The following STARD9 variants were observed in gnomAD, a reference collection of about 807,000 sequenced individuals.
STARD9 encodes StAR related lipid transfer domain containing 9.
In STARD9, 346 loss-of-function variants were observed where a neutral mutation model predicts 399.8. The observed-to-expected ratio is 0.87, with a 90% confidence interval of 0.79 to 0.95. The LOEUF (loss-of-function observed/expected upper bound fraction) is 0.95. Ranked by LOEUF, STARD9 falls within the 40% of genes least tolerant of loss-of-function variation. STARD9 has a pLI of 0.00. For synonymous variants in STARD9, 2,203 were observed against 2,143.5 expected (o/e 1.03, Z -0.77); for missense variants, 5,832 against 5,667.5 (o/e 1.03, Z -0.93).
At chr15:42,681,982 A>G in intron 21 of STARD9, 122 bp from the exon 22 acceptor site, 1 of 687,678 alleles carries the variant, frequency 1.5e-6, no homozygotes, top group Non-Finnish European at 2.4e-6. Flanking sequence ...ACCCTGCCAC[A>G]TCACCTTGGC....
At chr15:42,708,152 C>G (rs902072190) in intron 26 of STARD9, among the ~76,000 whole-genome samples, 2 of 144,766 alleles carry the variant, frequency 1.4e-5, no homozygotes, top group South Asian at 2.2e-4. Context: ...GACCCTGTTT[C>G]AAAAAAAAAA....
In STARD9 at chr15:42,689,749, G is replaced by A. The variant is rs563500037; in HGVS notation, c.8171G>A (p.Arg2724His). ...SADPLAPDSP[R>H]SSAPVEEVRR... The stretch of plus-strand genomic sequence containing the variant: ...GATCCTTTGGCCCCAGACAGTCCTC[G>A]TTCTTCAGCACCTGTGGAGGAGGTC... The change falls in exon 23 of 33, where the codon CGT becomes CAT. Residue 2724 changes from arginine to histidine, a missense_variant. Physicochemically the swap from Arg to His is conservative, Grantham distance 29. Around this residue, in one of 2 missense-constraint regions of STARD9, gnomAD observed 5,828 missense variants for 5,651.1 expected, o/e 1.03. Coordinates refer to ENST00000290607, the MANE Select transcript of STARD9 (RefSeq NM_020759.3). 3.5e-5 allele frequency: 54 copies of A among 1,537,644 alleles called. No homozygotes were observed. Among genetic ancestry groups the A allele is most frequent in the South Asian group, 2.1e-4 (18 of 84,066 alleles).
intron 9 of STARD9, among the ~76,000 whole-genome samples, chr15:42,652,892 G>A (rs1244625970): frequency 1.3e-5 from 2 of 152,156 alleles, no homozygotes; most frequent in African/African-American, 2.4e-5. Context: ...TGGCCAGACT[G>A]GTCTCAAACT....
chr15:42,717,820 A>G, intron 29 of STARD9, 25 bp downstream of exon 29: 2 of 1,535,126 alleles, frequency 1.3e-6, no homozygotes, highest in South Asian at 2.4e-5. Context: ...GGTCCTTTGT[A>G]CAGTGTCTGT....
chr15:42,599,173 C>T (rs150208446), intron 3 of STARD9, among the ~76,000 whole-genome samples: 149 of 152,334 alleles, frequency 9.8e-4, no homozygotes, highest in African/African-American at 3.4e-3. Flanking sequence ...CTCCACCTGC[C>T]TTGGCTTCCC....
chr15:42,665,338 G>T lies in STARD9; in HGVS notation c.1254+8G>T. On this transcript the variant is annotated splice_region_variant and intron_variant, in intron 14 of 32. Coordinates refer to ENST00000290607, the MANE Select transcript of STARD9 (RefSeq NM_020759.3). ...CTGCTGAGCTTTGAACTGGTATGCA[G>T]ACAGTCAGAACCTTTCCGTACTTAA... 6.5e-7 allele frequency: 1 copy of T among 1,535,276 alleles called. No individual in the cohort carries two copies. Among genetic ancestry groups the T allele is most frequent in the Non-Finnish European group, 8.7e-7 (1 of 1,145,238 alleles).
intron 3 of STARD9, among the ~76,000 whole-genome samples, chr15:42,587,362 C>G (rs1392065216): frequency 6.6e-6 from 1 of 152,116 alleles, no homozygotes; most frequent in African/African-American, 2.4e-5. Context: ...AGACCGTAGA[C>G]CACTGTGGGA....
At position 42,689,060 on chromosome 15, in the gene STARD9, G is replaced by C; in HGVS notation, c.7482G>C (p.Leu2494Phe). 6.5e-7 allele frequency: 1 copy of C among 1,537,288 alleles called. No individual in the cohort carries two copies. Among genetic ancestry groups the C allele is most frequent in the African/African-American group, 1.4e-5 (1 of 73,174 alleles). Residue 2494 changes from leucine (L) to phenylalanine (F), a missense_variant, in exon 23 of 33, where the codon TTG (leucine) becomes TTC (phenylalanine). By Grantham distance (22) the Leu-to-Phe change is conservative (BLOSUM62 0). Around this residue, in one of 2 missense-constraint regions of STARD9, gnomAD observed 5,828 missense variants for 5,651.1 expected, o/e 1.03. Transcript: ENST00000290607. ...SQPEKRVSFS[L>F]EEDSDQASKP... ...CTGAAAAGAGGGTCAGCTTCTCCTT[G>C]GAAGAGGATAGTGACCAAGCCAGCA... is the stretch of plus-strand genomic sequence containing the variant.
chr15:42,585,100 G>GGATTCACCCCCAA (rs1323815881), intron 2 of STARD9, among the ~76,000 whole-genome samples: 1 of 151,882 alleles, frequency 6.6e-6, no homozygotes, highest in Non-Finnish European at 1.5e-5. Flanking sequence ...GTTTAGACTT[G>GGATTCACCCCCAA]GATTCACCCC....
At chr15:42,674,591 A>G in intron 17 of STARD9, 100 bp downstream of exon 17, 1 of 1,287,048 alleles carries the variant, frequency 7.8e-7, no homozygotes, top group Non-Finnish European at 1.1e-6. Flanking sequence ...GAAGGGAATC[A>G]TTGGCGTATT....
Position 42,694,100 on chromosome 15 carries a change from G to C in STARD9, c.12522G>C (p.Gln4174His). 1 of 1,537,104 alleles carries C rather than the reference G, an allele frequency of 6.5e-7. No individual in the cohort carries two copies. Residue 4174 changes from glutamine (Q) to histidine (H), a missense_variant, in exon 23 of 33, where the codon CAG (glutamine) becomes CAC (histidine). Physicochemically the swap from Gln to His is conservative, Grantham distance 24. Around this residue, in one of 2 missense-constraint regions of STARD9, gnomAD observed 5,828 missense variants for 5,651.1 expected, o/e 1.03. Coordinates refer to ENST00000290607, the MANE Select transcript of STARD9 (RefSeq NM_020759.3). ...GCGGTGATCTCAGCTCTGAAAAGCA[G>C]GAACAGAGTCCCCCACAACCTCCTA... ...GASGDLSSEK[Q>H]EQSPPQPPND...
chr15:42,655,750 A>G (rs2142006003), intron 9 of STARD9, among the ~76,000 whole-genome samples: 1 of 152,214 alleles, frequency 6.6e-6, no homozygotes, highest in East Asian at 1.9e-4. Flanking sequence ...ACTTAAATAA[A>G]ACAAAAATCT....
intron 3 of STARD9, among the ~76,000 whole-genome samples, chr15:42,605,162 T>C (rs1198280885): frequency 6.6e-6 from 1 of 152,160 alleles, no homozygotes; most frequent in Non-Finnish European, 1.5e-5. Flanking sequence ...TTTAATCTTA[T>C]AATAAAATAG....
intron 9 of STARD9, among the ~76,000 whole-genome samples, chr15:42,657,069 T>G (rs2059889836): frequency 6.6e-6 from 1 of 151,932 alleles, no homozygotes; most frequent in African/African-American, 2.4e-5. Flanking sequence ...AAAAAATAGG[T>G]TTTAAGGCTG....
rs985718487 is a variant in STARD9 at position 42,684,256 on chromosome 15, A to C, written c.2678A>C (p.Asn893Thr). Residue 893 changes from asparagine (N) to threonine (T), a missense_variant, in exon 23 of 33, where the codon AAC becomes ACC. This residue lies in a region of STARD9 where 5,828 missense variants were observed against 5,651.1 expected (regional missense o/e 1.03). Coordinates refer to ENST00000290607, the MANE Select transcript of STARD9 (RefSeq NM_020759.3). The stretch of plus-strand genomic sequence containing the variant: ...GCAAGGACAGGGTGCCTCCGCAAGA[A>C]CGGCCTGCATTCCTCAGGTCATGGG... ...YPARTGCLRK[N>T]GLHSSGHGQP... The C allele has an allele frequency of 6.5e-6, 10 of 1,537,158 alleles. No homozygotes were observed. The African/African-American group carries it at 1.4e-4, about 21-fold the overall frequency.
chr15:42,585,981 T>G (rs2058269852), intron 3 of STARD9, among the ~76,000 whole-genome samples: 1 of 152,242 alleles, frequency 6.6e-6, no homozygotes. Context: ...CTATTTCTTA[T>G]GATACTTTTG....
chr15:42,692,688 G>T lies in STARD9; in HGVS notation c.11110G>T (p.Ala3704Ser), dbSNP rs1566948730. Residue 3704 changes from alanine to serine, a missense_variant, in exon 23 of 33, where the codon GCC (alanine) becomes TCC (serine). By Grantham distance (99) the Ala-to-Ser change is moderately conservative. Transcript: ENST00000290607. The part of the protein sequence containing the change: ...LLGSLSQPDV[A>S]RREQNTKRDI... ...TGGGAGTCTCTCCCAGCCAGATGTG[G>T]CCAGAAGGGAGCAGAACACCAAGAG... 12 of 1,536,900 alleles carry T rather than the reference G, an allele frequency of 7.8e-6. No individual in the cohort carries two copies. Among genetic ancestry groups the T allele is most frequent in the Non-Finnish European group, 1.0e-5 (12 of 1,146,866 alleles).
intron 20 of STARD9, among the ~76,000 whole-genome samples, chr15:42,676,538 C>T (rs2060315599): frequency 6.6e-6 from 1 of 152,180 alleles, no homozygotes. Context: ...TGGTTCTACC[C>T]TCTCATACCC....
chr15:42,601,005 A>G (rs113206433), intron 3 of STARD9, among the ~76,000 whole-genome samples: 7,665 of 151,896 alleles, frequency 0.05, 622 homozygotes, highest in African/African-American at 0.16. Context: ...CTAGGCAGAG[A>G]GCCCTGCCGC....
Sources: allele counts gnomAD v4.1 joint callset (sites outside exome capture counted in the v4.1 genomes callset), GRCh38; gene constraint gnomAD v4.1.1; regional missense constraint gnomAD v4.1.1; transcripts MANE v1.5; gene names NCBI Gene and HGNC (gene_info 2026-07-23, HGNC 2026-07-21).